Variants in DNAJC6 observed in about 807,000 individuals in gnomAD.
DNAJC6 encodes auxilin.
DNAJC6 carries 34 observed loss-of-function variants against 110.0 expected under a neutral mutation model. That is an observed-to-expected ratio of 0.31 (90% CI 0.24 to 0.41). The LOEUF is 0.41. Among genes scored for constraint, DNAJC6 ranks in the 10% least tolerant of loss-of-function variants. The pLI is 1.00. For synonymous variants in DNAJC6, 406 were observed against 437.2 expected, an observed-to-expected ratio of 0.93 and a Z score of 0.89; for missense variants, 1,031 against 1,207.8, an observed-to-expected ratio of 0.85 and a Z score of 2.17.
chr1:65,312,187 A>T (rs185254921), intron 1 of DNAJC6, among the ~76,000 whole-genome samples: 253 of 152,308 alleles, frequency 1.7e-3, no homozygotes, highest in Non-Finnish European at 3.0e-3. Context: ...GGCTGCAGGG[A>T]TTCCTTTTCT....
In DNAJC6 at chr1:65,413,802, A is replaced by G. The variant is rs1557571279; in HGVS notation, c.*777A>G. ...GATTAATTAAATAAAAAGTCTTACT[A>G]CTATAACAACTCTAAACCTGGTTTA... On this transcript the variant is annotated 3_prime_UTR_variant, in exon 19 of 19. Coordinates refer to ENST00000371069, the MANE Select transcript of DNAJC6 (RefSeq NM_001256864.2). 2 of 152,218 alleles carry G rather than the reference A, an allele frequency of 1.3e-5. No individual in the cohort carries two copies. Among genetic ancestry groups the G allele is most frequent in the Non-Finnish European group, 2.9e-5 (2 of 68,036 alleles). The allele number at this position is 152,218 out of a possible 1,614,324, so 9.4% of individuals were successfully genotyped here. A position where few individuals can be genotyped will look rare whatever the true frequency, so the allele number is the denominator to read the frequency against.
chr1:65,367,996 A>G (rs1645666145), intron 4 of DNAJC6, among the ~76,000 whole-genome samples: 1 of 151,630 alleles, frequency 6.6e-6, no homozygotes, highest in Admixed American at 6.6e-5. Flanking sequence ...TATATCTCCT[A>G]ATGCTATCCC....
intron 18 of DNAJC6, among the ~76,000 whole-genome samples, chr1:65,411,729 G>A (rs542035860): frequency 1.2e-3 from 178 of 152,144 alleles, no homozygotes; most frequent in Non-Finnish European, 2.0e-3. Flanking sequence ...AGCACTTTGG[G>A]GGGGGCAGGG....
intron 1 of DNAJC6, among the ~76,000 whole-genome samples, chr1:65,292,039 G>A (rs998110418): frequency 2.0e-5 from 3 of 151,836 alleles, no homozygotes; most frequent in African/African-American, 7.3e-5. Context: ...TTTTTGAGAT[G>A]GAGTTTCGCT....
At chr1:65,387,374 G>T (rs1213934773) in intron 8 of DNAJC6, among the ~76,000 whole-genome samples, 3 of 152,118 alleles carry the variant, frequency 2.0e-5, no homozygotes, top group East Asian at 3.8e-4. Context: ...CTATTCAAAA[G>T]GTTGTGCAAA....
At chr1:65,368,638 CTCA>C (rs1338298437) in intron 4 of DNAJC6, among the ~76,000 whole-genome samples, 2 of 149,882 alleles carry the variant, frequency 1.3e-5, no homozygotes, top group African/African-American at 4.9e-5. Context: ...TCTCCTCCTC[CTCA>C]TTCTTCTTCT....
At chr1:65,393,268 A>G (rs1368139099) in intron 12 of DNAJC6, among the ~76,000 whole-genome samples, 1 of 152,238 alleles carries the variant, frequency 6.6e-6, no homozygotes, top group Non-Finnish European at 1.5e-5. Context: ...CAGAAACTCA[A>G]TAAATAAGGG....
chr1:65,272,382 GAACA>G (rs1017315310), intron 1 of DNAJC6, among the ~76,000 whole-genome samples: 1 of 152,166 alleles, frequency 6.6e-6, no homozygotes, highest in Non-Finnish European at 1.5e-5. Context: ...TGCACTTTTG[GAACA>G]AACAACTTCG....
At chr1:65,314,988 T>A (rs554923042) in intron 1 of DNAJC6, among the ~76,000 whole-genome samples, 2 of 152,354 alleles carry the variant, frequency 1.3e-5, no homozygotes, top group South Asian at 4.1e-4. Context: ...AGGTAGCCAA[T>A]GGTGGACACT....
chr1:65,363,442 AAG>A (rs1043622502), intron 1 of DNAJC6, among the ~76,000 whole-genome samples: 2 of 151,928 alleles, frequency 1.3e-5, no homozygotes, highest in Admixed American at 1.3e-4. Flanking sequence ...GAAAGAGAGA[AAG>A]AGAGAGAGAA....
intron 1 of DNAJC6, among the ~76,000 whole-genome samples, chr1:65,266,161 G>T (rs561405418): frequency 1.7e-3 from 262 of 152,258 alleles, no homozygotes; most frequent in Non-Finnish European, 2.9e-3. Context: ...TGCGCGCAGC[G>T]CCGCGGGGCT....
chr1:65,388,472 G>A, intron 9 of DNAJC6, 57 bp downstream of exon 9: 1 of 1,491,168 alleles, frequency 6.7e-7, no homozygotes, highest in South Asian at 1.1e-5. Context: ...GAAGTGCTGA[G>A]GCTCAATGGC....
At chr1:65,275,920 A>T (rs1653654171) in intron 1 of DNAJC6, among the ~76,000 whole-genome samples, 1 of 143,640 alleles carries the variant, frequency 7.0e-6, no homozygotes, top group Non-Finnish European at 1.5e-5. Context: ...TTTTTGAGAC[A>T]GAGTCTCCCT....
chr1:65,323,252 G>T (rs954306257), intron 1 of DNAJC6, among the ~76,000 whole-genome samples: 1 of 152,164 alleles, frequency 6.6e-6, no homozygotes, highest in East Asian at 1.9e-4. Context: ...ATCTCATCTC[G>T]AATTGTAATC....
chr1:65,274,077 G>A (rs1277589138), intron 1 of DNAJC6, among the ~76,000 whole-genome samples: 1 of 151,922 alleles, frequency 6.6e-6, no homozygotes, highest in Non-Finnish European at 1.5e-5. Flanking sequence ...TATAATTTTA[G>A]ATTTGTCTAT....
chr1:65,266,278 G>GA (rs5774747), intron 1 of DNAJC6, among the ~76,000 whole-genome samples: 111,178 of 149,376 alleles, frequency 0.74, 41,980 homozygotes, highest in East Asian at 0.98. Context: ...GAAAAAGAAG[G>GA]AAAAAAAAAC....
Position 65,309,931 on chromosome 1 carries a change from C to T in DNAJC6, c.186C>T (p.Asp62=), listed in dbSNP as rs371984320. The change falls in exon 1 of 19, where the codon GAC becomes GAT. Residue 62 remains aspartate (D), a synonymous_variant. Transcript: ENST00000371069. Reference sequence around the variant, plus strand: ...CTCCGGACCGCGCCAGCACCATGGACAGCTCAGGTAGCGCTGCCCGAGGGG... The same window carrying T: ...CTCCGGACCGCGCCAGCACCATGGATAGCTCAGGTAGCGCTGCCCGAGGGG... ...RQPPDRASTM[D]SSGASSPDME... 2.5e-5 allele frequency: 38 copies of T among 1,496,006 alleles called. No homozygotes were observed. Among genetic ancestry groups the T allele is most frequent in the East Asian group, 2.4e-4 (9 of 36,836 alleles). The allele number at this position is 1,496,006 out of a possible 1,614,324, so 92.7% of individuals were successfully genotyped here. A position where few individuals can be genotyped will look rare whatever the true frequency, so the allele number is the denominator to read the frequency against.
intron 1 of DNAJC6, among the ~76,000 whole-genome samples, chr1:65,268,987 T>A (rs1218711613): frequency 6.6e-6 from 1 of 152,190 alleles, no homozygotes; most frequent in African/African-American, 2.4e-5. Flanking sequence ...CCAATTTTTC[T>A]GTTATTTTTC....
intron 4 of DNAJC6, among the ~76,000 whole-genome samples, 162 bp downstream of exon 4, chr1:65,366,358 T>A (rs1452969068): frequency 5.3e-5 from 8 of 152,190 alleles, no homozygotes. Context: ...CTATGAGATA[T>A]CCTAAAGATT....
Sources: allele counts gnomAD v4.1 joint callset (sites outside exome capture counted in the v4.1 genomes callset), GRCh38; gene constraint gnomAD v4.1.1; transcripts MANE v1.5; gene names NCBI Gene and HGNC (gene_info 2026-07-23, HGNC 2026-07-21).